Variants in SLCO1B1 observed in about 807,000 individuals in gnomAD.
SLCO1B1 encodes the protein solute carrier organic anion transporter family member 1B1.
Under a neutral mutation model 70.1 loss-of-function variants are expected in SLCO1B1, and 81 were observed. The observed-to-expected ratio is 1.16, with a 90% CI of 0.97 to 1.39. The LOEUF (loss-of-function observed/expected upper bound fraction) is 1.39, where lower values mean the gene tolerates loss of function less well. SLCO1B1 is among the 40% of genes most tolerant of loss of function. The probability of loss-of-function intolerance (pLI) is 0.00; values close to 1 mark genes in which losing one functional copy is unlikely to be tolerated. For synonymous variants in SLCO1B1, 283 were observed against 271.5 expected (o/e 1.04, Z -0.42); for missense variants, 895 against 799.6 (o/e 1.12, Z -1.44).
chr12:21,197,473 G>C (rs1371063788), intron 8 of SLCO1B1, among the ~76,000 whole-genome samples: 2 of 151,950 alleles, frequency 1.3e-5, no homozygotes, highest in Non-Finnish European at 2.9e-5. Flanking sequence ...ATTAATTTTA[G>C]TATTATATGG....
chr12:21,205,960 G>A lies in SLCO1B1; in HGVS notation c.1424G>A (p.Gly475Glu). Residue 475 changes from glycine to glutamate, a missense_variant, in exon 11 of 15, where the codon GGA becomes GAA. By Grantham distance (98) the Gly-to-Glu change is moderately conservative. Transcript: ENST00000256958. ...GAAAGTCAATGGGAACCAGTCTGTG[G>A]AAACAATGGAATAACTTACATCTCA... The part of the protein sequence containing the change: ...CDESQWEPVC[G>E]NNGITYISPC... The A allele has an allele frequency of 1.2e-6, 2 of 1,612,196 alleles. No homozygotes were observed. The highest frequency in any genetic ancestry group is 1.7e-6 in the Non-Finnish European group (2 of 1,178,698).
chr12:21,234,109 A>C (rs573916880), intron 14 of SLCO1B1, among the ~76,000 whole-genome samples: 6 of 152,150 alleles, frequency 3.9e-5, no homozygotes, highest in Non-Finnish European at 8.8e-5. Context: ...TGAGGACTGG[A>C]GTTTTTAAAG....
chr12:21,148,138 T>A (rs1429334198), intron 2 of SLCO1B1, among the ~76,000 whole-genome samples: 2 of 152,162 alleles, frequency 1.3e-5, no homozygotes, highest in East Asian at 3.8e-4. Context: ...ATTGTAAAAA[T>A]TTTCTCCCAT....
Position 21,172,502 on chromosome 12 carries a change from C to T in SLCO1B1, c.85-148C>T, listed in dbSNP as rs1247224325. 4.9e-6 allele frequency: 4 copies of T among 820,730 alleles called. No individual in the cohort carries two copies. In the Admixed American group the frequency reaches 8.2e-5, roughly 17 times the overall value. 50.8% of individuals were successfully genotyped at this position (820,730 alleles called of 1,614,324 possible). A position where few individuals can be genotyped will look rare whatever the true frequency, so the allele number is the denominator to read the frequency against. ...ACATTTAAATGGCTGAGTAGTAGTA[C>T]CTGGTAAAAGGGAAAACTAAGTATG... On this transcript the variant is annotated intron_variant, in intron 2 of 14. Coordinates refer to ENST00000256958, the MANE Select transcript of SLCO1B1 (RefSeq NM_006446.5).
intron 10 of SLCO1B1, among the ~76,000 whole-genome samples, chr12:21,203,273 A>G (rs1057166104): frequency 2.0e-5 from 3 of 152,082 alleles, no homozygotes; most frequent in African/African-American, 7.2e-5. Context: ...ATTAAGAAAT[A>G]TTCTATATAT....
In SLCO1B1 at chr12:21,224,764, C is replaced by T; in HGVS notation, c.1790C>T (p.Thr597Ile). The T allele has an allele frequency of 2.5e-6, 4 of 1,612,380 alleles. No individual in the cohort carries two copies. The highest frequency in any genetic ancestry group is 2.2e-5 in the East Asian group (1 of 44,790). ...ATATATTTTGGGGCTCTGATTGATA[C>T]AACGTGTATAAAGTGGTCCACCAAC... ...APIYFGALID[T>I]TCIKWSTNNC... Residue 597 changes from threonine to isoleucine, a missense_variant, in exon 14 of 15, where the codon ACA becomes ATA. Physicochemically the swap from Thr to Ile is moderately conservative, Grantham distance 89 (BLOSUM62 -1). Coordinates refer to ENST00000256958, the MANE Select transcript of SLCO1B1 (RefSeq NM_006446.5).
At chr12:21,229,755 T>C (rs967127796) in intron 14 of SLCO1B1, among the ~76,000 whole-genome samples, 7 of 152,184 alleles carry the variant, frequency 4.6e-5, no homozygotes, top group African/African-American at 1.7e-4. Context: ...TAGTTCCAAG[T>C]GTGTTTTTGT....
At chr12:21,155,541 A>G (rs1196311722) in intron 2 of SLCO1B1, among the ~76,000 whole-genome samples, 1 of 152,044 alleles carries the variant, frequency 6.6e-6, no homozygotes, top group Non-Finnish European at 1.5e-5. Flanking sequence ...CTCTTTTGAA[A>G]TGTTTTCTCA....
At position 21,134,677 on chromosome 12, in the gene SLCO1B1, A is replaced by C. The variant is rs547647912; in HGVS notation, c.-62+3441A>C. ...TTGTATTTCTGTGGGATCGGTGGTT[A>C]TATCCTCTTTATCATTTTTTATTGC... On this transcript the variant is annotated intron_variant, in intron 1 of 14. Transcript: ENST00000256958. Among the ~76,000 whole-genome samples, 39 of 152,156 alleles carry C rather than the reference A, an allele frequency of 2.6e-4. No individual in the cohort carries two copies. The East Asian group carries it at 7.4e-3, about 29-fold the overall frequency.
rs531331835 is a variant in SLCO1B1 at position 21,183,020 on chromosome 12, G to A, written c.727+4000G>A. On this transcript the variant is annotated intron_variant, in intron 7 of 14. Transcript: ENST00000256958. ...ACCAGTGACCAGAGCGGGAGATTGG[G>A]GGGGTGTCCCCTATGGCCCAGGCAC... Among the ~76,000 whole-genome samples, 12 of 152,336 alleles carry A rather than the reference G, an allele frequency of 7.9e-5. No homozygotes were observed. In the South Asian group the frequency reaches 1.4e-3, roughly 18 times the overall value.
intron 14 of SLCO1B1, among the ~76,000 whole-genome samples, chr12:21,225,831 C>T (rs187315323): frequency 6.6e-6 from 1 of 152,250 alleles, no homozygotes; most frequent in East Asian, 1.9e-4. Flanking sequence ...TGGTAGAAGA[C>T]AGTCTGGAAG....
chr12:21,238,572 G>C (rs1372022156), intron 14 of SLCO1B1, among the ~76,000 whole-genome samples: 3 of 151,618 alleles, frequency 2.0e-5, no homozygotes, highest in Non-Finnish European at 4.4e-5. Context: ...TTATTAATAT[G>C]GTGTAAGGTG....
At chr12:21,174,306 T>C (rs950809436) in intron 3 of SLCO1B1, among the ~76,000 whole-genome samples, 2 of 152,196 alleles carry the variant, frequency 1.3e-5, no homozygotes. Context: ...TCCATTTTTC[T>C]TCATTCCAGT....
intron 11 of SLCO1B1, among the ~76,000 whole-genome samples, chr12:21,210,939 A>G (rs1941276125): frequency 6.6e-6 from 1 of 152,086 alleles, no homozygotes; most frequent in Non-Finnish European, 1.5e-5. Context: ...GAAGTTGCTT[A>G]TCAGTTTAAG....
chr12:21,215,384 T>A (rs1162540833), intron 11 of SLCO1B1, among the ~76,000 whole-genome samples: 1 of 152,232 alleles, frequency 6.6e-6, no homozygotes, highest in Non-Finnish European at 1.5e-5. Flanking sequence ...AACTTTATCA[T>A]AAAAGGATGG....
chr12:21,165,126 T>C (rs1033613738), intron 2 of SLCO1B1, among the ~76,000 whole-genome samples: 32 of 152,156 alleles, frequency 2.1e-4, no homozygotes, highest in African/African-American at 7.7e-4. Context: ...GGAACTGTCT[T>C]CTGACTTTAA....
intron 2 of SLCO1B1, among the ~76,000 whole-genome samples, chr12:21,161,029 TGG>T (rs1940612086): frequency 6.6e-6 from 1 of 152,176 alleles, no homozygotes; most frequent in South Asian, 2.1e-4. Flanking sequence ...GGCAAGGTTG[TGG>T]AGAAAAGTGA....
chr12:21,228,176 C>A (rs1257843933), intron 14 of SLCO1B1, among the ~76,000 whole-genome samples: 1 of 152,070 alleles, frequency 6.6e-6, no homozygotes, highest in Non-Finnish European at 1.5e-5. Flanking sequence ...ATGTCAGATT[C>A]TATCTAGGGT....
At chr12:21,203,209 C>CT (rs1206398557) in intron 10 of SLCO1B1, among the ~76,000 whole-genome samples, 2 of 151,992 alleles carry the variant, frequency 1.3e-5, no homozygotes, top group East Asian at 1.9e-4. Context: ...ACTGAATTTT[C>CT]TTTTTTGCAA....
Sources: allele counts gnomAD v4.1 joint callset (sites outside exome capture counted in the v4.1 genomes callset), GRCh38; gene constraint gnomAD v4.1.1; transcripts MANE v1.5; gene names NCBI Gene and HGNC (gene_info 2026-07-23, HGNC 2026-07-21).